NTM: variants seen among roughly 807,000 people sequenced by gnomAD.
The protein encoded by NTM is IgLON family member 2.
Under a neutral mutation model 42.1 loss-of-function variants are expected in NTM, and 13 were observed. The observed-to-expected ratio is 0.31, with a 90% CI of 0.20 to 0.49. NTM has a LOEUF of 0.49. Ranked by LOEUF, NTM falls within the 20% of genes least tolerant of loss-of-function variation. The pLI is 0.99. For synonymous variants in NTM, 187 were observed against 179.2 expected (o/e 1.04, Z -0.35); for missense variants, 373 against 452.8 (o/e 0.82, Z 1.60).
chr11:132,135,914 G>A (rs1422141652), intron 2 of NTM, among the ~76,000 whole-genome samples: 1 of 152,188 alleles, frequency 6.6e-6, no homozygotes, highest in Non-Finnish European at 1.5e-5. Context: ...CTCCCACTGG[G>A]AGCTTTCCTC....
chr11:132,031,232 C>T (rs1270708093), intron 2 of NTM, among the ~76,000 whole-genome samples: 12 of 151,968 alleles, frequency 7.9e-5, no homozygotes, highest in Admixed American at 7.9e-4. Flanking sequence ...GACTTTTACT[C>T]TTAGTGTGAA....
intron 2 of NTM, among the ~76,000 whole-genome samples, chr11:131,950,216 G>A (rs934661968): frequency 6.6e-6 from 1 of 152,164 alleles, no homozygotes; most frequent in African/African-American, 2.4e-5. Flanking sequence ...GCCCTGCAAT[G>A]TATGGCAGGT....
At chr11:131,643,551 C>G (rs79502542) in intron 1 of NTM, among the ~76,000 whole-genome samples, 1 of 152,214 alleles carries the variant, frequency 6.6e-6, no homozygotes, top group Non-Finnish European at 1.5e-5. Flanking sequence ...CTCTCTCTCT[C>G]TCTCGTGTCG....
intron 2 of NTM, among the ~76,000 whole-genome samples, chr11:131,933,882 G>A (rs1029301567): frequency 6.6e-6 from 1 of 151,336 alleles, no homozygotes; most frequent in Non-Finnish European, 1.5e-5. Context: ...CTTTTTTTCT[G>A]GGGGGGGATG....
chr11:131,965,832 A>T (rs778183400), intron 2 of NTM, among the ~76,000 whole-genome samples: 1 of 152,012 alleles, frequency 6.6e-6, no homozygotes. Flanking sequence ...CAAATCTGCC[A>T]TGGCTAGCAT....
At chr11:132,176,316 T>A (rs1432446224) in intron 3 of NTM, among the ~76,000 whole-genome samples, 1 of 151,008 alleles carries the variant, frequency 6.6e-6, no homozygotes, top group Non-Finnish European at 1.5e-5. Flanking sequence ...ATGGGTTTGG[T>A]CAAGTTTGGT....
intron 1 of NTM, among the ~76,000 whole-genome samples, chr11:131,746,987 C>T (rs2081907740): frequency 6.6e-6 from 1 of 152,234 alleles, no homozygotes; most frequent in South Asian, 2.1e-4. Flanking sequence ...GTAAAAATAT[C>T]TAACATATAC....
chr11:131,427,735 C>A (rs1220133925), intron 1 of NTM, among the ~76,000 whole-genome samples: 1 of 152,200 alleles, frequency 6.6e-6, no homozygotes, highest in Non-Finnish European at 1.5e-5. Flanking sequence ...CAAGGTCAAC[C>A]ATGACCTTAC....
chr11:131,848,008 G>A (rs1435065695), intron 1 of NTM, among the ~76,000 whole-genome samples: 1 of 152,140 alleles, frequency 6.6e-6, no homozygotes, highest in African/African-American at 2.4e-5. Context: ...TTATGTATTT[G>A]TAACATTTTA....
At chr11:132,053,040 G>T (rs901419389) in intron 2 of NTM, among the ~76,000 whole-genome samples, 1 of 152,148 alleles carries the variant, frequency 6.6e-6, no homozygotes, top group African/African-American at 2.4e-5. Flanking sequence ...GCTTTCCACT[G>T]CATTTTCCTT....
rs917419095 is a variant in NTM, at chr11:131,796,099, G to T, written c.83-115465G>T. The stretch of plus-strand genomic sequence containing the variant: ...TAACTCACACTAGTTATTTTCCCGG[G>T]GGAAATCTAGGGAACTGGCCACAGG... On this transcript the variant is annotated intron_variant, in intron 1 of 8. Coordinates refer to ENST00000683400, the MANE Select transcript of NTM (RefSeq NM_001352005.2). 4.1e-6 allele frequency: 4 copies of T among 985,422 alleles called. No individual in the cohort carries two copies. In the African/African-American group the frequency reaches 7.0e-5, roughly 17 times the overall value. 61.0% of individuals were successfully genotyped at this position (985,422 alleles called of 1,614,324 possible).
intron 4 of NTM, among the ~76,000 whole-genome samples, chr11:132,273,906 T>TCAAAA (rs1261643932): frequency 6.6e-6 from 1 of 152,056 alleles, no homozygotes; most frequent in Non-Finnish European, 1.5e-5. Flanking sequence ...AAACTCCATC[T>TCAAAA]CAAAACAAAA....
At chr11:132,050,198 T>C (rs2078654618) in intron 2 of NTM, among the ~76,000 whole-genome samples, 1 of 152,130 alleles carries the variant, frequency 6.6e-6, no homozygotes, top group Non-Finnish European at 1.5e-5. Flanking sequence ...CTCTTTCTCG[T>C]ATTGCTATGC....
intron 1 of NTM, among the ~76,000 whole-genome samples, chr11:131,481,912 C>A (rs1953641913): frequency 1.3e-5 from 2 of 152,204 alleles, no homozygotes. Flanking sequence ...ACTAGTCCTC[C>A]TACTCATAAT....
intron 2 of NTM, among the ~76,000 whole-genome samples, chr11:132,046,809 T>C (rs1000008342): frequency 2.0e-5 from 3 of 152,192 alleles, no homozygotes; most frequent in Non-Finnish European, 4.4e-5. Context: ...TATCTATCTG[T>C]CTGTCTATCT....
chr11:132,189,621 G>A (rs2078972766), intron 3 of NTM, among the ~76,000 whole-genome samples: 1 of 150,148 alleles, frequency 6.7e-6, no homozygotes. Context: ...TAGTTGCCTT[G>A]CCCACTGATT....
chr11:131,581,118 T>C (rs1283939690), intron 1 of NTM, among the ~76,000 whole-genome samples: 2 of 152,228 alleles, frequency 1.3e-5, no homozygotes, highest in Non-Finnish European at 1.5e-5. Context: ...AAACAACTTT[T>C]TCAAGTCTTC....
At chr11:131,512,658 G>A (rs2048405125) in intron 1 of NTM, among the ~76,000 whole-genome samples, 1 of 152,212 alleles carries the variant, frequency 6.6e-6, no homozygotes, top group African/African-American at 2.4e-5. Flanking sequence ...ATGGCAGCAG[G>A]GAGGGATGGA....
chr11:132,148,506 G>C (rs1462202300), intron 3 of NTM, among the ~76,000 whole-genome samples: 2 of 152,044 alleles, frequency 1.3e-5, no homozygotes, highest in Non-Finnish European at 2.9e-5. Flanking sequence ...TTGACAATGA[G>C]AGACTGGGAA....
Sources: allele counts gnomAD v4.1 joint callset (sites outside exome capture counted in the v4.1 genomes callset), GRCh38; gene constraint gnomAD v4.1.1; transcripts MANE v1.5; gene names NCBI Gene and HGNC (gene_info 2026-07-23, HGNC 2026-07-21).